The following SBF1 variants were observed in gnomAD, a reference collection of about 807,000 sequenced individuals.
The protein encoded by SBF1 is SET binding factor 1.
A neutral mutation model predicts 215.8 loss-of-function variants in SBF1; 65 were observed. The ratio of observed to expected loss-of-function variants is 0.30; its 90% CI spans 0.25 to 0.37. The LOEUF is 0.37. Ranked by LOEUF, SBF1 falls within the 10% of genes least tolerant of loss-of-function variation. SBF1 has a pLI of 1.00. For synonymous variants in SBF1, 1,410 were observed against 1,122.8 expected (o/e 1.26, Z -5.11); for missense variants, 2,634 against 2,667.8 (o/e 0.99, Z 0.28).
intron 36 of SBF1, among the ~76,000 whole-genome samples, chr22:50,453,603 C>T (rs923151240): frequency 2.0e-5 from 3 of 152,040 alleles, no homozygotes; most frequent in Non-Finnish European, 4.4e-5. Flanking sequence ...CTGGCTAACA[C>T]GGTAAAACCC....
intron 36 of SBF1, among the ~76,000 whole-genome samples, chr22:50,451,636 C>T (rs773118856): frequency 3.3e-5 from 5 of 151,936 alleles, no homozygotes; most frequent in East Asian, 1.9e-4. Context: ...CCAAGCAGGA[C>T]GAAAGCAAAA....
At chr22:50,465,711 G>C in intron 10 of SBF1, 52 bp downstream of exon 10, 4 of 1,508,706 alleles carry the variant, frequency 2.7e-6, no homozygotes, top group Non-Finnish European at 3.6e-6. Flanking sequence ...GACCTGAGTG[G>C]GGGCAGCCTA....
rs374960723 is a variant in SBF1, at chr22:50,460,774, G to A, written c.2968-62C>T. 11 of 1,530,866 alleles carry A rather than the reference G, an allele frequency of 7.2e-6. No individual in the cohort carries two copies. The African/African-American group carries it at 8.2e-5, about 11-fold the overall frequency. 94.8% of individuals were successfully genotyped at this position (1,530,866 alleles called of 1,614,324 possible). The stretch of plus-strand genomic sequence containing the variant: ...GCCCCCCAGCCCCTCCCCCAACTCT[G>A]ACACTGCCAGGCTCCCCTTCCCCTC... On this transcript the variant is annotated intron_variant, in intron 23 of 40. Transcript: ENST00000380817.
In SBF1 at chr22:50,446,889, C is replaced by A. The variant is rs1341998272; in HGVS notation, c.*253G>T. 1 of 743,972 alleles carries A rather than the reference C, an allele frequency of 1.3e-6. No individual in the cohort carries two copies. The highest frequency in any genetic ancestry group is 1.4e-5 in the South Asian group (1 of 71,488). The allele number at this position is 743,972 out of a possible 1,614,324, so 46.1% of individuals were successfully genotyped here. ...GCTGGACCAGCACACGCTGACGGGG[C>A]CGGACTATTTACAGGCCCATTGCGG... is the stretch of plus-strand genomic sequence containing the variant. On this transcript the variant is annotated 3_prime_UTR_variant, in exon 41 of 41. Coordinates refer to ENST00000380817, the MANE Select transcript of SBF1 (RefSeq NM_002972.4).
Position 50,454,870 on chromosome 22 carries a change from G to A in SBF1, c.4756C>T (p.Leu1586=), listed in dbSNP as rs2067185712. The A allele has an allele frequency of 1.2e-6, 2 of 1,613,970 alleles. No homozygotes were observed. The highest frequency in any genetic ancestry group is 2.2e-5 in the East Asian group (1 of 44,892). The change falls in exon 35 of 41, where the codon CTG becomes TTG. Residue 1586 remains leucine, a synonymous_variant. Coordinates refer to ENST00000380817, the MANE Select transcript of SBF1 (RefSeq NM_002972.4). The part of the protein sequence containing the change: ...CRSVWEYVDR[L]SKRTPVFHNY... The stretch of plus-strand genomic sequence containing the variant: ...TGGAACACAGGCGTCCTCTTGCTCA[G>A]CCGGTCCACATACTCCCACACAGAC...
chr22:50,460,926 C>T (rs1603432591), intron 23 of SBF1, among the ~76,000 whole-genome samples: 1 of 152,202 alleles, frequency 6.6e-6, no homozygotes, highest in East Asian at 1.9e-4. Flanking sequence ...GCAAGGCACA[C>T]CCAAGACACG....
At position 50,448,106 on chromosome 22, in the gene SBF1, T is replaced by C. The variant is rs1045835775; in HGVS notation, c.5363+127A>G. The C allele has an allele frequency of 3.7e-5, 31 of 834,714 alleles. No individual in the cohort carries two copies. The African/African-American group carries it at 4.0e-4, about 11-fold the overall frequency. 51.7% of individuals were successfully genotyped at this position (834,714 alleles called of 1,614,324 possible). On this transcript the variant is annotated intron_variant, in intron 38 of 40. Transcript: ENST00000380817. ...TCACCAGTTCGACACCCCAAACCCCTCCCAGTGGTGGTGTATACTTAAGCA... is the reference window on the plus strand; with the variant it reads ...TCACCAGTTCGACACCCCAAACCCCCCCCAGTGGTGGTGTATACTTAAGCA...
rs145862488 is a variant in SBF1 at position 50,465,796 on chromosome 22, C to A, written c.1056G>T (p.Pro352=). The change falls in exon 10 of 41, where the codon CCG becomes CCT. Residue 352 remains proline, a synonymous_variant. Coordinates refer to ENST00000380817, the MANE Select transcript of SBF1 (RefSeq NM_002972.4). ...ELELADLAFP[P]PTTSTSSLKM... is the part of the protein sequence containing the mutation. ...TCAGGGAGGAGGTGGATGTCGTGGG[C>A]GGAGGGAAGGCGAGGTCAGCCAACT... is the stretch of plus-strand genomic sequence containing the variant. 16 of 1,610,370 alleles carry A rather than the reference C, an allele frequency of 9.9e-6. No individual in the cohort carries two copies. The African/African-American group carries it at 1.7e-4, about 17-fold the overall frequency.
intron 31 of SBF1, 86 bp from the exon 32 acceptor site, chr22:50,455,668 A>G (rs1330638748): frequency 1.8e-6 from 2 of 1,141,252 alleles, no homozygotes; most frequent in African/African-American, 1.5e-5. Context: ...GCATGTCCAC[A>G]GGCAGCGGGG....
Position 50,464,927 on chromosome 22 carries a change from T to C in SBF1, c.1333-10A>G. On this transcript the variant is annotated splice_polypyrimidine_tract_variant and intron_variant, in intron 12 of 40. Coordinates refer to ENST00000380817, the MANE Select transcript of SBF1 (RefSeq NM_002972.4). ...CCTCGTGGGCCACCAGCTAGCGGGG[T>C]AAGCAGGAGGTTAGGTAAGCCATGG... The C allele has an allele frequency of 6.2e-7, 1 of 1,613,394 alleles. No individual in the cohort carries two copies. The highest frequency in any genetic ancestry group is 8.5e-7 in the Non-Finnish European group (1 of 1,179,924).
chr22:50,458,981 A>G (rs1343624625), intron 28 of SBF1, among the ~76,000 whole-genome samples: 2 of 152,198 alleles, frequency 1.3e-5, no homozygotes, highest in Non-Finnish European at 2.9e-5. Context: ...GGAGGACCCT[A>G]CAGGAAGCTG....
In SBF1 at chr22:50,460,814, G is replaced by C; in HGVS notation, c.2968-102C>G. ...CCCTTCCCCTCGCAGCCATGACAGA[G>C]AGAGAAGCAGGCCCCAGGCAAAGGC... On this transcript the variant is annotated intron_variant, in intron 23 of 40. Coordinates refer to ENST00000380817, the MANE Select transcript of SBF1 (RefSeq NM_002972.4). 3 of 1,289,862 alleles carry C rather than the reference G, an allele frequency of 2.3e-6. No homozygotes were observed. The South Asian group carries it at 4.0e-5, about 17-fold the overall frequency. 79.9% of individuals were successfully genotyped at this position (1,289,862 alleles called of 1,614,324 possible).
At chr22:50,450,702 G>A (rs938667049) in intron 36 of SBF1, among the ~76,000 whole-genome samples, 5 of 152,166 alleles carry the variant, frequency 3.3e-5, no homozygotes, top group African/African-American at 1.2e-4. Flanking sequence ...TTCTCTAGAG[G>A]TGCTGGAGAG....
At chr22:50,466,737 A>G in intron 5 of SBF1, 27 bp from the exon 6 acceptor site, 1 of 1,474,302 alleles carries the variant, frequency 6.8e-7, no homozygotes, top group Non-Finnish European at 9.1e-7. Flanking sequence ...ATCGGGGCTC[A>G]GTAGTTTGGC....
rs748940643 is a variant in SBF1, at chr22:50,461,144, C to T, written c.2967+15G>A. On this transcript the variant is annotated intron_variant, in intron 23 of 40. Coordinates refer to ENST00000380817, the MANE Select transcript of SBF1 (RefSeq NM_002972.4). The stretch of plus-strand genomic sequence containing the variant: ...GGGCGGGGGATGAGAGCCCCACCCG[C>T]GCACCGCGCCCCACCTGGAATGTGC... 7.6e-6 allele frequency: 12 copies of T among 1,584,060 alleles called. No individual in the cohort carries two copies. The African/African-American group carries it at 1.1e-4, about 14-fold the overall frequency.
In SBF1 at chr22:50,460,133, G is replaced by A. The variant is rs1242393254; in HGVS notation, c.3310C>T (p.Leu1104=). 8 of 1,612,276 alleles carry A rather than the reference G, an allele frequency of 5.0e-6. No individual in the cohort carries two copies. The highest frequency in any genetic ancestry group is 6.8e-6 in the Non-Finnish European group (8 of 1,179,986). ...SVSEELEPST[L]TPSSALKPSD... is the part of the protein sequence containing the mutation. ...GGCTTCAGGGCTGAGGACGGGGTCA[G>A]CGTGCTGGGCTCCAGCTCCTCCGAC... The change falls in exon 26 of 41, where the codon CTG becomes TTG. Residue 1104 remains leucine (L), a synonymous_variant. Transcript: ENST00000380817.
rs139798340 is a variant in SBF1, at chr22:50,462,652, C to G, written c.2034G>C (p.Thr678=). Residue 678 remains threonine, a synonymous_variant, in exon 18 of 41, where the codon ACG becomes ACC. Coordinates refer to ENST00000380817, the MANE Select transcript of SBF1 (RefSeq NM_002972.4). ...SCVQEHVVWS[T]PQFWEAMFYG... is the part of the protein sequence containing the mutation. ...AGAACATGGCCTCCCAGAACTGTGG[C>G]GTGCTCCACACCACGTGCTCCTGCA... is the stretch of plus-strand genomic sequence containing the variant. The G allele has an allele frequency of 1.2e-6, 2 of 1,612,638 alleles. No homozygotes were observed. Among genetic ancestry groups the G allele is most frequent in the Non-Finnish European group, 8.5e-7 (1 of 1,179,696 alleles).
At chr22:50,467,278 A>C (rs1437843717) in intron 5 of SBF1, 60 bp downstream of exon 5, 3 of 1,425,722 alleles carry the variant, frequency 2.1e-6, no homozygotes, top group Non-Finnish European at 2.9e-6. Flanking sequence ...CCAAATACCT[A>C]CCAGGGCCCC....
At chr22:50,457,165 C>T in intron 28 of SBF1, 54 bp from the exon 29 acceptor site, 1 of 1,386,974 alleles carries the variant, frequency 7.2e-7, no homozygotes, top group East Asian at 3.1e-5. Context: ...TGGGCGTGCC[C>T]AGCTTGGGGG....
Sources: allele counts gnomAD v4.1 joint callset (sites outside exome capture counted in the v4.1 genomes callset), GRCh38; gene constraint gnomAD v4.1.1; transcripts MANE v1.5; gene names NCBI Gene and HGNC (gene_info 2026-07-23, HGNC 2026-07-21).